Variants in SP140L observed in about 807,000 individuals in gnomAD.
SP140L encodes the protein nuclear body protein SP140-like protein.
A neutral mutation model predicts 84.3 loss-of-function variants in SP140L; 64 were observed. The ratio of observed to expected loss-of-function variants is 0.76; its 90% CI spans 0.62 to 0.94. The LOEUF is 0.94. Among genes scored for constraint, SP140L ranks in the 40% least tolerant of loss-of-function variants. The probability of loss-of-function intolerance (pLI) is 0.00; values close to 1 mark genes in which losing one functional copy is unlikely to be tolerated. For missense variants in SP140L, 628 were observed against 692.5 expected, an observed-to-expected ratio of 0.91 and a Z score of 1.05; for synonymous variants, 242 against 236.9, an observed-to-expected ratio of 1.02 and a Z score of -0.20.
At chr2:230,357,718 C>A (rs2060590298) in intron 2 of SP140L, 87 bp from the exon 3 acceptor site, 2 of 1,352,764 alleles carry the variant, frequency 1.5e-6, no homozygotes, top group Non-Finnish European at 2.0e-6. Flanking sequence ...TTCTTCATAG[C>A]TTATCCGTTA....
chr2:230,397,879 C>G (rs1414013409), intron 14 of SP140L, among the ~76,000 whole-genome samples: 1 of 152,130 alleles, frequency 6.6e-6, no homozygotes, highest in Non-Finnish European at 1.5e-5. Context: ...ATGAGCTTGA[C>G]ATGGAGGTTT....
chr2:230,400,256 A>G lies in SP140L; in HGVS notation c.1313+14A>G. 1.2e-6 allele frequency: 2 copies of G among 1,612,858 alleles called. No homozygotes were observed. The highest frequency in any genetic ancestry group is 1.7e-6 in the Non-Finnish European group (2 of 1,178,892). On this transcript the variant is annotated intron_variant, in intron 15 of 18. Coordinates refer to ENST00000415673, the MANE Select transcript of SP140L (RefSeq NM_138402.6). ...GGAAAGTGAGAAGTAAGTGACATGC[A>G]GGCACCTCTCTTTCATCCTTTAAGG... is the stretch of plus-strand genomic sequence containing the variant.
At chr2:230,370,764 A>G (rs2061038475) in intron 5 of SP140L, 144 bp from the exon 6 acceptor site, 2 of 652,994 alleles carry the variant, frequency 3.1e-6, no homozygotes, top group Non-Finnish European at 5.4e-6. Flanking sequence ...TTCGGAGGAA[A>G]AAGTAGAGAA....
chr2:230,379,616 G>C (rs2061346428), intron 7 of SP140L, among the ~76,000 whole-genome samples: 1 of 151,986 alleles, frequency 6.6e-6, no homozygotes, highest in Admixed American at 6.5e-5. Flanking sequence ...TTGTCTAGCT[G>C]AAGTGAATTC....
intron 2 of SP140L, among the ~76,000 whole-genome samples, chr2:230,353,859 T>C (rs2060439755): frequency 6.6e-6 from 1 of 152,106 alleles, no homozygotes; most frequent in Admixed American, 6.5e-5. Flanking sequence ...GTTTCATAGG[T>C]TTTATAAGAT....
intron 5 of SP140L, among the ~76,000 whole-genome samples, chr2:230,364,533 T>A (rs1575483591): frequency 6.6e-6 from 1 of 152,102 alleles, no homozygotes; most frequent in Non-Finnish European, 1.5e-5. Flanking sequence ...TTCTAGCAGT[T>A]TTTTGGTAGA....
At chr2:230,334,322 C>T (rs2059806735) in intron 2 of SP140L, among the ~76,000 whole-genome samples, 1 of 152,182 alleles carries the variant, frequency 6.6e-6, no homozygotes, top group African/African-American at 2.4e-5. Flanking sequence ...TATGCACCTA[C>T]CTTCTGAAAT....
chr2:230,337,200 A>T (rs1386308909), intron 2 of SP140L, among the ~76,000 whole-genome samples: 1 of 151,746 alleles, frequency 6.6e-6, no homozygotes, highest in Admixed American at 6.6e-5. Flanking sequence ...CTGGTGTGAG[A>T]TGGTATCTCA....
At chr2:230,360,663 G>T (rs2060686578) in intron 4 of SP140L, among the ~76,000 whole-genome samples, 1 of 152,072 alleles carries the variant, frequency 6.6e-6, no homozygotes, top group Non-Finnish European at 1.5e-5. Context: ...TCCCTTCCTA[G>T]CCCCAGTGCC....
intron 5 of SP140L, among the ~76,000 whole-genome samples, chr2:230,369,355 G>T (rs770142029): frequency 6.6e-5 from 10 of 152,058 alleles, no homozygotes; most frequent in Non-Finnish European, 8.8e-5. Flanking sequence ...ACTGGTAGTA[G>T]TCTGGGTTCA....
intron 1 of SP140L, among the ~76,000 whole-genome samples, chr2:230,328,099 C>T (rs1041498044): frequency 6.6e-6 from 1 of 152,162 alleles, no homozygotes; most frequent in Non-Finnish European, 1.5e-5. Flanking sequence ...ACTCTGTCAA[C>T]CAGGCTGGAG....
intron 2 of SP140L, among the ~76,000 whole-genome samples, chr2:230,356,843 T>C (rs2060564630): frequency 6.6e-6 from 1 of 152,216 alleles, no homozygotes; most frequent in Admixed American, 6.5e-5. Context: ...TCCACCATTC[T>C]CTTTGTCACT....
At chr2:230,328,653 T>C in intron 1 of SP140L, 104 bp from the exon 2 acceptor site, 2 of 1,400,440 alleles carry the variant, frequency 1.4e-6, no homozygotes, top group Non-Finnish European at 1.9e-6. Context: ...TTTTTGCACA[T>C]ATGCAAGTAT....
At chr2:230,356,631 C>T (rs562902539) in intron 2 of SP140L, among the ~76,000 whole-genome samples, 1 of 152,214 alleles carries the variant, frequency 6.6e-6, no homozygotes, top group Non-Finnish European at 1.5e-5. Flanking sequence ...ATGCATTGCT[C>T]TGTTCATTTT....
intron 14 of SP140L, 23 bp downstream of exon 14, chr2:230,396,821 A>G (rs781408656): frequency 4.3e-6 from 7 of 1,613,212 alleles, no homozygotes; most frequent in African/African-American, 1.3e-5. Context: ...TCTGAACTAC[A>G]ACCCCCAGAA....
chr2:230,379,670 A>G (rs1352295942), intron 7 of SP140L, among the ~76,000 whole-genome samples: 1 of 152,040 alleles, frequency 6.6e-6, no homozygotes, highest in African/African-American at 2.4e-5. Context: ...AAATTCTCTA[A>G]GTGTTGTATG....
intron 2 of SP140L, among the ~76,000 whole-genome samples, chr2:230,336,889 T>G (rs2059898201): frequency 1.3e-5 from 2 of 152,236 alleles, no homozygotes; most frequent in African/African-American, 4.8e-5. Context: ...CTCTTCAGTC[T>G]AAATTCTGTT....
At chr2:230,391,765 G>A (rs2061816860) in intron 11 of SP140L, 1 of 241,262 alleles carries the variant, frequency 4.1e-6, no homozygotes, top group Admixed American at 4.7e-5. Flanking sequence ...TCAACAGCAA[G>A]TTGGAGTCCT....
At chr2:230,349,851 G>C (rs1452554273) in intron 2 of SP140L, among the ~76,000 whole-genome samples, 2 of 151,894 alleles carry the variant, frequency 1.3e-5, no homozygotes, top group African/African-American at 4.8e-5. Flanking sequence ...TCTACTAAAA[G>C]TACAAAAATT....
Sources: gnomAD v4.1 joint callset for allele counts (sites outside exome capture counted in the v4.1 genomes callset) on GRCh38, gnomAD v4.1.1 for gene constraint, MANE v1.5 for transcripts, NCBI Gene and HGNC (gene_info 2026-07-23, HGNC 2026-07-21) for gene names.